Variants in FAM135B observed in about 807,000 individuals in gnomAD.
The protein encoded by FAM135B is protein FAM135B.
Under a neutral mutation model 127.7 loss-of-function variants are expected in FAM135B, and 43 were observed. That is an observed-to-expected ratio of 0.34 (90% CI 0.26 to 0.43). FAM135B has a LOEUF of 0.43. Ranked by LOEUF, FAM135B falls within the 20% of genes least tolerant of loss-of-function variation. The probability of loss-of-function intolerance (pLI) is 1.00; values close to 1 mark genes in which losing one functional copy is unlikely to be tolerated. For synonymous variants in FAM135B, 670 were observed against 665.1 expected, an observed-to-expected ratio of 1.01 and a Z score of -0.11; for missense variants, 1,558 against 1,725.6, an observed-to-expected ratio of 0.90 and a Z score of 1.72.
rs1314857659 is a variant in FAM135B, at chr8:138,145,939, T to A, written c.3540+20A>T. On this transcript the variant is annotated intron_variant, in intron 15 of 19. Coordinates refer to ENST00000395297, the MANE Select transcript of FAM135B (RefSeq NM_015912.4). ...CATGCATCCAGGGTTCTTCCAGTTC[T>A]GATATTTGTATCATCATACCTGATT... 7.4e-7 allele frequency: 1 copy of A among 1,359,828 alleles called. No individual in the cohort carries two copies. 84.2% of individuals were successfully genotyped at this position (1,359,828 alleles called of 1,614,324 possible).
rs1015180962 is a variant in FAM135B at position 138,312,376 on chromosome 8, G to T, written c.78-1456C>A. 2.1e-4 allele frequency among the ~76,000 whole-genome samples: 32 copies of T among 152,130 alleles called. 1 individual carries two copies. The highest frequency in any genetic ancestry group is 6.8e-4 in the African/African-American group (28 of 41,416). On this transcript the variant is annotated intron_variant, in intron 2 of 19. Transcript: ENST00000395297. ...AACTGTATACAGAAAACAAGCAAAT[G>T]AAGATGCTTCAAGGTAGAGAGGAAA...
chr8:138,260,948 T>C (rs1325875611), intron 4 of FAM135B, among the ~76,000 whole-genome samples: 1 of 152,108 alleles, frequency 6.6e-6, no homozygotes, highest in East Asian at 1.9e-4. Flanking sequence ...CCTCTCTAGC[T>C]TTGTGTCCCT....
At chr8:138,303,445 G>A (rs918592782) in intron 3 of FAM135B, among the ~76,000 whole-genome samples, 11 of 152,094 alleles carry the variant, frequency 7.2e-5, no homozygotes, top group Non-Finnish European at 1.3e-4. Flanking sequence ...GGGGGCAGGG[G>A]GCAAGGGGAG....
In FAM135B at chr8:138,186,180, C is replaced by T. The variant is rs143096607; in HGVS notation, c.874-7490G>A. 4.2e-3 allele frequency among the ~76,000 whole-genome samples: 633 copies of T among 152,296 alleles called. 5 individuals are homozygous for T. Among genetic ancestry groups the T allele is most frequent in the African/African-American group, 0.014 (597 of 41,562 alleles). On this transcript the variant is annotated intron_variant, in intron 9 of 19. Coordinates refer to ENST00000395297, the MANE Select transcript of FAM135B (RefSeq NM_015912.4). ...CTCCTGCAGCCCCTCACCTCTCGCT[C>T]CCTGGTTCCAGTACTGACCACATCA...
intron 4 of FAM135B, among the ~76,000 whole-genome samples, chr8:138,259,725 GTCACTGTAT>G (rs1822394589): frequency 6.6e-6 from 1 of 152,110 alleles, no homozygotes; most frequent in South Asian, 2.1e-4. Flanking sequence ...CCTTCTCTAA[GTCACTGTAT>G]CCTCATCTGT....
intron 2 of FAM135B, among the ~76,000 whole-genome samples, chr8:138,332,474 T>C (rs1252273535): frequency 2.0e-5 from 3 of 152,186 alleles, no homozygotes; most frequent in African/African-American, 7.2e-5. Context: ...AAGATGAACC[T>C]GAAATTCAAG....
chr8:138,190,108 G>A (rs1377638420), intron 9 of FAM135B, among the ~76,000 whole-genome samples: 3 of 152,136 alleles, frequency 2.0e-5, no homozygotes, highest in South Asian at 4.2e-4. Flanking sequence ...TCATACCTTC[G>A]TACTTTAATA....
intron 2 of FAM135B, among the ~76,000 whole-genome samples, chr8:138,354,784 G>A (rs17722613): frequency 0.49 from 74,241 of 151,992 alleles, 20,336 homozygotes; most frequent in Non-Finnish European, 0.63. Flanking sequence ...GGATTTGTAT[G>A]AAAATGCCAT....
intron 1 of FAM135B, among the ~76,000 whole-genome samples, chr8:138,415,851 T>A (rs756564029): frequency 6.6e-6 from 1 of 152,186 alleles, no homozygotes; most frequent in Non-Finnish European, 1.5e-5. Context: ...CTGAAATATG[T>A]TTCACATGGT....
At chr8:138,228,510 T>A (rs1325355668) in intron 7 of FAM135B, among the ~76,000 whole-genome samples, 1 of 152,128 alleles carries the variant, frequency 6.6e-6, no homozygotes, top group African/African-American at 2.4e-5. Flanking sequence ...ATTCCTATGT[T>A]AAAGAATACA....
At chr8:138,265,395 T>C (rs1487670559) in intron 4 of FAM135B, among the ~76,000 whole-genome samples, 2 of 152,152 alleles carry the variant, frequency 1.3e-5, no homozygotes, top group Non-Finnish European at 2.9e-5. Context: ...CACCTGCTGC[T>C]TGACTCATTG....
chr8:138,381,035 T>C (rs1310393217), intron 1 of FAM135B, among the ~76,000 whole-genome samples: 1 of 151,922 alleles, frequency 6.6e-6, no homozygotes, highest in African/African-American at 2.4e-5. Flanking sequence ...TGCACAACCA[T>C]CTGAGAGAAA....
At chr8:138,183,403 C>T (rs1815262402) in intron 9 of FAM135B, among the ~76,000 whole-genome samples, 1 of 152,156 alleles carries the variant, frequency 6.6e-6, no homozygotes, top group African/African-American at 2.4e-5. Context: ...GCAATGCAGC[C>T]TCTCATTAAC....
intron 3 of FAM135B, among the ~76,000 whole-genome samples, chr8:138,285,771 G>T (rs1022142177): frequency 1.3e-5 from 2 of 152,210 alleles, no homozygotes; most frequent in African/African-American, 4.8e-5. Context: ...GACCTGAATT[G>T]CTCTAAACCA....
intron 1 of FAM135B, among the ~76,000 whole-genome samples, chr8:138,458,388 A>G (rs1836920819): frequency 1.3e-5 from 2 of 152,204 alleles, no homozygotes; most frequent in Admixed American, 1.3e-4. Flanking sequence ...ACATCAGAAG[A>G]TGGAGATCTG....
At chr8:138,275,442 C>A (rs536603404) in intron 3 of FAM135B, among the ~76,000 whole-genome samples, 1 of 152,280 alleles carries the variant, frequency 6.6e-6, no homozygotes, top group Non-Finnish European at 1.5e-5. Context: ...CCCAGAACTT[C>A]AGGAGGCCAA....
chr8:138,276,616 T>C (rs1476230757), intron 3 of FAM135B, among the ~76,000 whole-genome samples: 1 of 152,040 alleles, frequency 6.6e-6, no homozygotes, highest in East Asian at 1.9e-4. Context: ...TCCCTCCAAG[T>C]TCTGAGGCAC....
At chr8:138,369,480 C>T (rs74549578) in intron 1 of FAM135B, among the ~76,000 whole-genome samples, 2,075 of 152,240 alleles carry the variant, frequency 0.014, 39 homozygotes, top group African/African-American at 0.047. Flanking sequence ...ATGTTTCATC[C>T]GGGAAATATT....
At chr8:138,392,571 T>A (rs1042583015) in intron 1 of FAM135B, among the ~76,000 whole-genome samples, 3 of 152,104 alleles carry the variant, frequency 2.0e-5, no homozygotes, top group African/African-American at 2.4e-5. Context: ...GTCTAGCTAC[T>A]CTGTCGGGAT....
Sources: gnomAD v4.1 joint callset for allele counts (sites outside exome capture counted in the v4.1 genomes callset) on GRCh38, gnomAD v4.1.1 for gene constraint, MANE v1.5 for transcripts, NCBI Gene and HGNC (gene_info 2026-07-23, HGNC 2026-07-21) for gene names.